The following ST8SIA2 variants were observed in gnomAD, a reference collection of about 807,000 sequenced individuals.
The protein encoded by ST8SIA2 is alpha-2,8-sialyltransferase 8B.
ST8SIA2 carries 22 observed loss-of-function variants against 37.6 expected under a neutral mutation model. That is an observed-to-expected ratio of 0.58 (90% CI 0.42 to 0.83). The LOEUF (loss-of-function observed/expected upper bound fraction) is 0.83, where lower values mean the gene tolerates loss of function less well. ST8SIA2 is among the 40% of genes least tolerant of loss of function. The probability of loss-of-function intolerance (pLI) is 0.00; values close to 1 mark genes in which losing one functional copy is unlikely to be tolerated. For missense variants in ST8SIA2, 382 were observed against 484.7 expected (o/e 0.79, Z 1.99); for synonymous variants, 205 against 201.2 (o/e 1.02, Z -0.16).
chr15:92,412,616 T>A (rs1201094809), intron 1 of ST8SIA2, among the ~76,000 whole-genome samples: 1 of 152,206 alleles, frequency 6.6e-6, no homozygotes, highest in African/African-American at 2.4e-5. Flanking sequence ...CCATGCAGTC[T>A]GGTATGCACC....
chr15:92,435,596 GC>G (rs2049751058), intron 3 of ST8SIA2, among the ~76,000 whole-genome samples: 1 of 152,168 alleles, frequency 6.6e-6, no homozygotes, highest in African/African-American at 2.4e-5. Context: ...AAATGGAAAT[GC>G]CTCTGCACCC....
intron 1 of ST8SIA2, among the ~76,000 whole-genome samples, chr15:92,411,858 G>C (rs1036385234): frequency 6.6e-6 from 1 of 152,084 alleles, no homozygotes; most frequent in Non-Finnish European, 1.5e-5. Context: ...CTCTAAAGTA[G>C]AAAAGACCCC....
At chr15:92,405,944 A>C (rs547453405) in intron 1 of ST8SIA2, among the ~76,000 whole-genome samples, 7 of 152,204 alleles carry the variant, frequency 4.6e-5, no homozygotes, top group Non-Finnish European at 8.8e-5. Context: ...AGGCCAAGAC[A>C]GTCCAGACCC....
rs556279919 is a variant in ST8SIA2 at position 92,422,412 on chromosome 15, G to A, written c.99-7637G>A. On this transcript the variant is annotated intron_variant, in intron 1 of 5. Coordinates refer to ENST00000268164, the MANE Select transcript of ST8SIA2 (RefSeq NM_006011.4). ...GAAACTTGGCAGAAGCTCTCTGCTA[G>A]TGCAGGTTATATCCATGTGACAGGG... The A allele has an allele frequency of 8.5e-5, 13 of 152,356 alleles. No homozygotes were observed. The South Asian group carries it at 2.7e-3, about 32-fold the overall frequency. The allele number at this position is 152,356 out of a possible 1,614,324, so 9.4% of individuals were successfully genotyped here.
At chr15:92,408,118 T>C in intron 1 of ST8SIA2, among the ~76,000 whole-genome samples, 1 of 152,098 alleles carries the variant, frequency 6.6e-6, no homozygotes, top group African/African-American at 2.4e-5. Context: ...TTTATAACTG[T>C]GTCTGGAAAC....
chr15:92,428,174 T>C (rs894004786), intron 1 of ST8SIA2, among the ~76,000 whole-genome samples: 7 of 152,214 alleles, frequency 4.6e-5, no homozygotes, highest in African/African-American at 1.7e-4. Flanking sequence ...TGAAACCTGA[T>C]TTCACAGAGG....
At chr15:92,428,343 G>C (rs973199176) in intron 1 of ST8SIA2, among the ~76,000 whole-genome samples, 1 of 152,176 alleles carries the variant, frequency 6.6e-6, no homozygotes, top group Non-Finnish European at 1.5e-5. Context: ...TGTTTTTTCT[G>C]TCTAGAGTAA....
rs148606815 is a variant in ST8SIA2, at chr15:92,412,196, G to C, written c.99-17853G>C. Among the ~76,000 whole-genome samples, 638 of 152,204 alleles carry C rather than the reference G, an allele frequency of 4.2e-3. 5 individuals are homozygous for C. Among genetic ancestry groups the C allele is most frequent in the East Asian group, 0.014 (73 of 5,178 alleles). ...GTGAAAAGGAAGGAGAAGTGGGTGA[G>C]GGGTGGAGGCAGGCAGGAGAATAAT... is the stretch of plus-strand genomic sequence containing the variant. On this transcript the variant is annotated intron_variant, in intron 1 of 5. Coordinates refer to ENST00000268164, the MANE Select transcript of ST8SIA2 (RefSeq NM_006011.4).
Position 92,407,704 on chromosome 15 carries a change from C to T in ST8SIA2, c.98+13542C>T, listed in dbSNP as rs544912619. ...GTGATGGAAGGCAAGTCTAGGGGAG[C>T]CTTTTAAAACCAATCTGCTCTTCCA... On this transcript the variant is annotated intron_variant, in intron 1 of 5. Coordinates refer to ENST00000268164, the MANE Select transcript of ST8SIA2 (RefSeq NM_006011.4). Among the ~76,000 whole-genome samples the T allele has an allele frequency of 2.6e-5, 4 of 152,248 alleles. No individual in the cohort carries two copies. The South Asian group carries it at 8.3e-4, about 32-fold the overall frequency.
chr15:92,409,732 A>G (rs2049536017), intron 1 of ST8SIA2, among the ~76,000 whole-genome samples: 1 of 152,252 alleles, frequency 6.6e-6, no homozygotes, highest in African/African-American at 2.4e-5. Flanking sequence ...CAAAAACAGC[A>G]GCCTTATAAG....
intron 3 of ST8SIA2, among the ~76,000 whole-genome samples, chr15:92,436,785 G>A (rs2049761552): frequency 6.6e-6 from 1 of 152,188 alleles, no homozygotes; most frequent in South Asian, 2.1e-4. Flanking sequence ...AAGAGAGGCA[G>A]GTCATCAATA....
intron 1 of ST8SIA2, among the ~76,000 whole-genome samples, chr15:92,400,863 G>T (rs1370717524): frequency 6.6e-6 from 1 of 152,188 alleles, no homozygotes; most frequent in Admixed American, 6.5e-5. Context: ...TTCCGTGCAA[G>T]GGCTGGTCCC....
At chr15:92,419,571 G>T (rs1332363692) in intron 1 of ST8SIA2, among the ~76,000 whole-genome samples, 1 of 152,176 alleles carries the variant, frequency 6.6e-6, no homozygotes, top group African/African-American at 2.4e-5. Context: ...AATGGTGGCT[G>T]AATATAGGGG....
rs1046759242 is a variant in ST8SIA2 at position 92,444,524 on chromosome 15, CTTTG to C, written c.549-107_549-104del. The C allele has an allele frequency of 3.4e-5, 46 of 1,358,746 alleles. No individual in the cohort carries two copies. In the African/African-American group the frequency reaches 3.6e-4, roughly 11 times the overall value. The allele number at this position is 1,358,746 out of a possible 1,614,324, so 84.2% of individuals were successfully genotyped here. On this transcript the variant is annotated intron_variant, in intron 4 of 5. Transcript: ENST00000268164. ...GTGAGTGTGGAGAGATGCCCTGGGT[CTTTG>C]TTTGGGGATGAGAAAGAAGCAAGGA...
chr15:92,454,284 T>A (rs767102710), intron 5 of ST8SIA2, among the ~76,000 whole-genome samples: 4 of 152,128 alleles, frequency 2.6e-5, no homozygotes, highest in Admixed American at 6.5e-5. Flanking sequence ...CTTGTTCCCA[T>A]GGCCTTCTAC....
At chr15:92,434,198 G>A (rs751210956) in intron 2 of ST8SIA2, 49 bp from the exon 3 acceptor site, 2 of 1,611,542 alleles carry the variant, frequency 1.2e-6, no homozygotes, top group African/African-American at 2.7e-5. Flanking sequence ...CTTGTCGTCG[G>A]CTTGCTAACA....
intron 5 of ST8SIA2, among the ~76,000 whole-genome samples, chr15:92,463,891 G>A (rs373104638): frequency 6.6e-6 from 1 of 152,076 alleles, no homozygotes; most frequent in African/African-American, 2.4e-5. Flanking sequence ...ATAAACTCGT[G>A]TCTGTGACCG....
chr15:92,433,955 C>T (rs77569791), intron 2 of ST8SIA2, among the ~76,000 whole-genome samples: 6,781 of 150,800 alleles, frequency 0.045, 515 homozygotes, highest in African/African-American at 0.15. Context: ...ACTCTTCTGA[C>T]AGTGACTGCC....
chr15:92,396,980 C>G (rs1358731408), intron 1 of ST8SIA2, among the ~76,000 whole-genome samples: 1 of 152,150 alleles, frequency 6.6e-6, no homozygotes, highest in African/African-American at 2.4e-5. Flanking sequence ...CCAGCCCTGC[C>G]CCTCCATCCC....
Sources: allele counts gnomAD v4.1 joint callset (sites outside exome capture counted in the v4.1 genomes callset), GRCh38; gene constraint gnomAD v4.1.1; transcripts MANE v1.5; gene names NCBI Gene and HGNC (gene_info 2026-07-23, HGNC 2026-07-21).